GTF2E2: variants seen among roughly 807,000 people sequenced by gnomAD.
GTF2E2 encodes the protein transcription initiation factor IIE subunit beta.
A neutral mutation model predicts 40.5 loss-of-function variants in GTF2E2; 21 were observed. The observed-to-expected ratio is 0.52, with a 90% confidence interval of 0.37 to 0.75. The LOEUF (loss-of-function observed/expected upper bound fraction) is 0.75, where lower values mean the gene tolerates loss of function less well. Ranked by LOEUF, GTF2E2 falls within the 30% of genes least tolerant of loss-of-function variation. The probability of loss-of-function intolerance (pLI) is 0.00; values close to 1 mark genes in which losing one functional copy is unlikely to be tolerated. For missense variants in GTF2E2, 298 were observed against 338.4 expected (o/e 0.88, Z 0.94); for synonymous variants, 117 against 121.6 (o/e 0.96, Z 0.25).
intron 3 of GTF2E2, among the ~76,000 whole-genome samples, chr8:30,617,243 T>C (rs932411695): frequency 2.6e-5 from 4 of 152,150 alleles, no homozygotes; most frequent in South Asian, 2.1e-4. Flanking sequence ...AGACAGCAGA[T>C]AGAGACATAA....
chr8:30,624,321 T>C (rs1298731149), intron 3 of GTF2E2, among the ~76,000 whole-genome samples: 2 of 152,142 alleles, frequency 1.3e-5, no homozygotes, highest in Admixed American at 6.5e-5. Flanking sequence ...CAGATAGTTG[T>C]AGATGTGTGG....
intron 7 of GTF2E2, among the ~76,000 whole-genome samples, chr8:30,579,532 C>A (rs1179031588): frequency 1.3e-5 from 2 of 152,152 alleles, no homozygotes; most frequent in Non-Finnish European, 2.9e-5. Flanking sequence ...TGAAGGGCTG[C>A]AATTACACTC....
At chr8:30,607,036 G>C (rs751469915) in intron 6 of GTF2E2, 21 bp downstream of exon 6, 4 of 910,392 alleles carry the variant, frequency 4.4e-6, no homozygotes, top group Non-Finnish European at 7.0e-6. Context: ...GCAAACTAAA[G>C]TATAATACAG....
At chr8:30,612,588 G>A (rs889704665) in intron 4 of GTF2E2, 107 bp from the exon 5 acceptor site, 48 of 615,550 alleles carry the variant, frequency 7.8e-5, no homozygotes, top group Non-Finnish European at 9.7e-5. Context: ...GTGCAGTGGC[G>A]TGATCTCAGC....
intron 2 of GTF2E2, chr8:30,636,873 A>G (rs77897862): frequency 5.5e-6 from 2 of 363,604 alleles, no homozygotes; most frequent in Non-Finnish European, 1.1e-5. Context: ...AAAAAAAAAA[A>G]AGAATGCCTT....
At position 30,634,899 on chromosome 8, in the gene GTF2E2, A is replaced by G. The variant is rs551602444; in HGVS notation, c.258+133T>C. ...GCTTGAGGTATAATTGGCATACAAT[A>G]AACTGCACATACTGAAAATGCACAA... On this transcript the variant is annotated intron_variant, in intron 3 of 7. Coordinates refer to ENST00000355904, the MANE Select transcript of GTF2E2 (RefSeq NM_002095.6). The G allele has an allele frequency of 3.5e-4, 208 of 601,098 alleles. 1 individual carries two copies. Among genetic ancestry groups the G allele is most frequent in the Non-Finnish European group, 5.3e-4 (181 of 339,518 alleles). The allele number at this position is 601,098 out of a possible 1,614,324, so 37.2% of individuals were successfully genotyped here.
chr8:30,619,168 C>T (rs1001818427), intron 3 of GTF2E2, among the ~76,000 whole-genome samples: 2 of 151,926 alleles, frequency 1.3e-5, no homozygotes, highest in African/African-American at 2.4e-5. Context: ...TCTCGATCTC[C>T]TGACTTCATG....
At chr8:30,615,033 T>C (rs1297025029) in intron 3 of GTF2E2, among the ~76,000 whole-genome samples, 1 of 151,800 alleles carries the variant, frequency 6.6e-6, no homozygotes, top group African/African-American at 2.4e-5. Context: ...ATCCCAGCAC[T>C]CTGGGGGACT....
chr8:30,625,053 G>T (rs1801226085), intron 3 of GTF2E2, among the ~76,000 whole-genome samples: 1 of 151,894 alleles, frequency 6.6e-6, no homozygotes, highest in Admixed American at 6.6e-5. Context: ...TGTTGAATAG[G>T]AGTGGTGAGA....
At chr8:30,644,875 C>T (rs1006591774) in intron 2 of GTF2E2, among the ~76,000 whole-genome samples, 21 of 151,978 alleles carry the variant, frequency 1.4e-4, no homozygotes, top group African/African-American at 4.6e-4. Context: ...CTTAGCCTCC[C>T]AAGCAGCTGG....
chr8:30,579,718 A>T (rs1260771894), intron 7 of GTF2E2, among the ~76,000 whole-genome samples: 2 of 152,184 alleles, frequency 1.3e-5, no homozygotes, highest in African/African-American at 2.4e-5. Context: ...CTGGTGAATC[A>T]TCCCCCCGGG....
chr8:30,591,173 T>C (rs1828838059), intron 6 of GTF2E2, among the ~76,000 whole-genome samples: 1 of 152,184 alleles, frequency 6.6e-6, no homozygotes, highest in South Asian at 2.1e-4. Context: ...AGGATTTCAA[T>C]ACACATTTTG....
At chr8:30,651,409 T>G (rs1267386216) in intron 2 of GTF2E2, among the ~76,000 whole-genome samples, 1 of 151,776 alleles carries the variant, frequency 6.6e-6, no homozygotes, top group South Asian at 2.1e-4. Context: ...AATGAACAAT[T>G]TAAAAAAAAA....
intron 3 of GTF2E2, among the ~76,000 whole-genome samples, chr8:30,629,631 A>G (rs1373946727): frequency 1.3e-5 from 2 of 150,840 alleles, no homozygotes; most frequent in Admixed American, 6.6e-5. Context: ...AGAGCTTGCA[A>G]TGAGCCAAGA....
At chr8:30,584,910 C>T (rs1828627493) in intron 6 of GTF2E2, 2 of 152,102 alleles carry the variant, frequency 1.3e-5, no homozygotes, top group Admixed American at 6.6e-5. Flanking sequence ...ATACCTGCCT[C>T]GCCGAGCGTG....
At chr8:30,654,284 T>G (rs1169829497) in intron 1 of GTF2E2, among the ~76,000 whole-genome samples, 1 of 152,140 alleles carries the variant, frequency 6.6e-6, no homozygotes, top group Non-Finnish European at 1.5e-5. Flanking sequence ...AGAAAAAAAC[T>G]ATTTAATTAC....
At chr8:30,613,628 T>A (rs1014573382) in intron 4 of GTF2E2, among the ~76,000 whole-genome samples, 1 of 152,254 alleles carries the variant, frequency 6.6e-6, no homozygotes, top group Non-Finnish European at 1.5e-5. Flanking sequence ...TGGATTACCA[T>A]TGTTTGTGTA....
chr8:30,641,438 C>T lies in GTF2E2; in HGVS notation c.167-6315G>A, dbSNP rs372172544. Among the ~76,000 whole-genome samples the T allele has an allele frequency of 1.8e-4, 27 of 152,310 alleles. No individual in the cohort carries two copies. The South Asian group carries it at 5.6e-3, about 32-fold the overall frequency. Reference sequence around the variant, plus strand: ...AGTGCAATGGAGAAATCACAGCTCACTGCAACCTCAACCTCCTAGGCTCAA... The same window carrying T: ...AGTGCAATGGAGAAATCACAGCTCATTGCAACCTCAACCTCCTAGGCTCAA... On this transcript the variant is annotated intron_variant, in intron 2 of 7. Coordinates refer to ENST00000355904, the MANE Select transcript of GTF2E2 (RefSeq NM_002095.6).
chr8:30,619,769 T>C (rs1442405994), intron 3 of GTF2E2, among the ~76,000 whole-genome samples: 2 of 151,968 alleles, frequency 1.3e-5, no homozygotes, highest in Non-Finnish European at 1.5e-5. Flanking sequence ...TTTCTAACAA[T>C]GATTTATAGC....
Sources: gnomAD v4.1 joint callset for allele counts (sites outside exome capture counted in the v4.1 genomes callset) on GRCh38, gnomAD v4.1.1 for gene constraint, MANE v1.5 for transcripts, NCBI Gene and HGNC (gene_info 2026-07-23, HGNC 2026-07-21) for gene names.